Variants in GALNTL6 observed in about 807,000 individuals in gnomAD.
GALNTL6 encodes the protein polypeptide N-acetylgalactosaminyltransferase-like 6.
A neutral mutation model predicts 73.7 loss-of-function variants in GALNTL6; 46 were observed. The ratio of observed to expected loss-of-function variants is 0.62; its 90% CI spans 0.49 to 0.80. The LOEUF (loss-of-function observed/expected upper bound fraction) is 0.80. GALNTL6 is among the 30% of genes least tolerant of loss of function. The pLI, the probability that GALNTL6 is intolerant of heterozygous loss-of-function variation, is 0.00. For missense variants in GALNTL6, 604 were observed against 755.0 expected, an observed-to-expected ratio of 0.80 and a Z score of 2.34; for synonymous variants, 259 against 263.7, an observed-to-expected ratio of 0.98 and a Z score of 0.17.
At chr4:172,662,204 A>G (rs1049132461) in intron 5 of GALNTL6, among the ~76,000 whole-genome samples, 1 of 152,236 alleles carries the variant, frequency 6.6e-6, no homozygotes, top group African/African-American at 2.4e-5. Flanking sequence ...TCTGAAAAGA[A>G]GAGGGATCAT....
intron 2 of GALNTL6, among the ~76,000 whole-genome samples, chr4:172,137,574 G>C (rs1318600736): frequency 6.6e-6 from 1 of 152,126 alleles, no homozygotes; most frequent in East Asian, 1.9e-4. Flanking sequence ...GCCACAGAAT[G>C]AAAGGGACAT....
chr4:172,588,788 T>C (rs1737523581), intron 5 of GALNTL6, among the ~76,000 whole-genome samples: 1 of 152,120 alleles, frequency 6.6e-6, no homozygotes, highest in African/African-American at 2.4e-5. Flanking sequence ...CACATATCGA[T>C]ATGACGTGAG....
chr4:172,370,684 CT>C (rs1321709565), intron 5 of GALNTL6, among the ~76,000 whole-genome samples: 2 of 151,232 alleles, frequency 1.3e-5, no homozygotes, highest in Non-Finnish European at 2.9e-5. Context: ...CTTCGGAAGC[CT>C]TTTCCTATAA....
At chr4:172,705,257 T>C (rs1472946304) in intron 5 of GALNTL6, among the ~76,000 whole-genome samples, 13 of 151,708 alleles carry the variant, frequency 8.6e-5, no homozygotes. Flanking sequence ...CTCTCATTCT[T>C]CTTTTCTTAC....
At chr4:172,433,111 T>A (rs1731517226) in intron 5 of GALNTL6, among the ~76,000 whole-genome samples, 1 of 152,184 alleles carries the variant, frequency 6.6e-6, no homozygotes, top group Non-Finnish European at 1.5e-5. Flanking sequence ...TGTGTGTGTT[T>A]AAGAATAGAG....
intron 8 of GALNTL6, among the ~76,000 whole-genome samples, chr4:172,918,833 C>T (rs939463366): frequency 4.6e-5 from 7 of 152,160 alleles, no homozygotes; most frequent in Non-Finnish European, 7.4e-5. Flanking sequence ...TGGAAAGCTG[C>T]CCAACTGAAG....
chr4:171,847,257 G>A (rs116580463), intron 2 of GALNTL6, among the ~76,000 whole-genome samples: 1 of 152,094 alleles, frequency 6.6e-6, no homozygotes, highest in African/African-American at 2.4e-5. Context: ...TATGAAAGTT[G>A]TGTTTACACT....
At chr4:171,892,773 GCTGGCCTCCAACTC>G (rs1736799394) in intron 2 of GALNTL6, among the ~76,000 whole-genome samples, 1 of 151,948 alleles carries the variant, frequency 6.6e-6, no homozygotes, top group Non-Finnish European at 1.5e-5. Context: ...TGTTACCCAG[GCTGGCCTCCAACTC>G]CTGGTCTTAA....
At chr4:172,256,309 G>A (rs986010252) in intron 3 of GALNTL6, among the ~76,000 whole-genome samples, 4 of 151,226 alleles carry the variant, frequency 2.6e-5, no homozygotes, top group Admixed American at 1.3e-4. Flanking sequence ...TCCAGACTCC[G>A]TCATTGTTCA....
At chr4:172,693,335 T>A (rs1733433032) in intron 5 of GALNTL6, among the ~76,000 whole-genome samples, 1 of 152,186 alleles carries the variant, frequency 6.6e-6, no homozygotes, top group South Asian at 2.1e-4. Flanking sequence ...TTTCTGCCTA[T>A]CTGGTCTTCC....
At chr4:172,201,253 CT>C (rs1735942476) in intron 2 of GALNTL6, among the ~76,000 whole-genome samples, 1 of 151,822 alleles carries the variant, frequency 6.6e-6, no homozygotes, top group Non-Finnish European at 1.5e-5. Flanking sequence ...TGTCCCCAGG[CT>C]GGAGTTCAGT....
intron 2 of GALNTL6, among the ~76,000 whole-genome samples, chr4:171,935,069 C>CT (rs956618189): frequency 8.6e-5 from 13 of 151,892 alleles, no homozygotes; most frequent in African/African-American, 2.9e-4. Context: ...AACTGTATCA[C>CT]TTTTTTTTGC....
intron 5 of GALNTL6, among the ~76,000 whole-genome samples, chr4:172,761,178 G>T (rs115333820): frequency 3.3e-5 from 5 of 152,140 alleles, no homozygotes; most frequent in Non-Finnish European, 5.9e-5. Flanking sequence ...AAAAAAATTA[G>T]GTGGTACAAG....
At chr4:172,553,584 A>G (rs1370882376) in intron 5 of GALNTL6, among the ~76,000 whole-genome samples, 1 of 152,160 alleles carries the variant, frequency 6.6e-6, no homozygotes, top group African/African-American at 2.4e-5. Flanking sequence ...ATGTTCATAC[A>G]TTTCCTAATT....
At chr4:172,777,803 C>T (rs1739153387) in intron 5 of GALNTL6, among the ~76,000 whole-genome samples, 2 of 152,078 alleles carry the variant, frequency 1.3e-5, no homozygotes, top group Non-Finnish European at 1.5e-5. Flanking sequence ...ATGGGTCTGT[C>T]TTCCAAAGCA....
chr4:172,529,863 T>TTTTATTTTATTTATTTATTTATTTA (rs1554032972), intron 5 of GALNTL6, among the ~76,000 whole-genome samples: 6 of 138,658 alleles, frequency 4.3e-5, no homozygotes, highest in African/African-American at 8.2e-5. Flanking sequence ...TTTATTTTTA[T>TTTTATTTTATTTATTTATTTATTTA]TTTATTTATT....
intron 7 of GALNTL6, among the ~76,000 whole-genome samples, chr4:172,870,444 TA>T (rs1190234118): frequency 2.0e-5 from 3 of 152,226 alleles, no homozygotes; most frequent in Non-Finnish European, 2.9e-5. Flanking sequence ...AATTGTCAAG[TA>T]TTTTTTTATT....
chr4:171,822,814 A>G (rs569937612), intron 2 of GALNTL6, among the ~76,000 whole-genome samples: 3 of 152,342 alleles, frequency 2.0e-5, no homozygotes, highest in East Asian at 1.9e-4. Flanking sequence ...ACTTTAATAT[A>G]AGGCTGGATT....
At chr4:172,309,950 A>C (rs1740290440) in intron 3 of GALNTL6, among the ~76,000 whole-genome samples, 1 of 152,118 alleles carries the variant, frequency 6.6e-6, no homozygotes, top group African/African-American at 2.4e-5. Context: ...AAAGCAGAAC[A>C]CTTGAAAAAT....
Sources: gnomAD v4.1 joint callset for allele counts (sites outside exome capture counted in the v4.1 genomes callset) on GRCh38, gnomAD v4.1.1 for gene constraint, MANE v1.5 for transcripts, NCBI Gene and HGNC (gene_info 2026-07-23, HGNC 2026-07-21) for gene names.